The following USP45 variants were observed in gnomAD, a reference collection of about 807,000 sequenced individuals.
USP45 encodes the protein ubiquitin specific peptidase 45, also known as ubiquitin carboxyl-terminal hydrolase 45.
A neutral mutation model predicts 95.8 loss-of-function variants in USP45; 89 were observed. The observed-to-expected ratio is 0.93, with a 90% CI of 0.78 to 1.11. The LOEUF (loss-of-function observed/expected upper bound fraction) is 1.11, where lower values mean the gene tolerates loss of function less well. Among genes scored for constraint, USP45 ranks in the 50% least tolerant of loss-of-function variants. USP45 has a pLI of 0.00. For synonymous variants in USP45, 281 were observed against 316.2 expected (o/e 0.89, Z 1.18); for missense variants, 898 against 942.5 (o/e 0.95, Z 0.62).
rs747724029 is a variant in USP45 at position 99,445,861 on chromosome 6, A to G, written c.1911T>C (p.Asn637=). 13 of 1,609,172 alleles carry G rather than the reference A, an allele frequency of 8.1e-6. No homozygotes were observed. Among genetic ancestry groups the G allele is most frequent in the Non-Finnish European group, 1.1e-5 (13 of 1,178,872 alleles). ...TAGTACAATTCTCACATAGAAGCTT[A>G]TTATTCCCCATTAGTAATTCCATAG... The part of the protein sequence containing the change: ...FTSMELLMGN[N]KLLCENCTKN... Residue 637 remains asparagine, a synonymous_variant, in exon 14 of 18, where the codon AAT becomes AAC. Transcript: ENST00000500704.
intron 9 of USP45, 57 bp from the exon 10 acceptor site, chr6:99,468,675 T>A: frequency 8.4e-7 from 1 of 1,193,740 alleles, no homozygotes; most frequent in Non-Finnish European, 1.2e-6. Context: ...GGCCTCATCC[T>A]CCTAATAAAA....
rs760011376 is a variant in USP45 at position 99,468,522 on chromosome 6, A to G, written c.1015+15T>C. 3 of 1,539,396 alleles carry G rather than the reference A, an allele frequency of 1.9e-6. No individual in the cohort carries two copies. Among genetic ancestry groups the G allele is most frequent in the East Asian group, 2.3e-5 (1 of 43,918 alleles). On this transcript the variant is annotated intron_variant, in intron 10 of 17. Coordinates refer to ENST00000500704, the MANE Select transcript of USP45 (RefSeq NM_001346022.3). Reference sequence around the variant, plus strand: ...TTTTCTTAAAGAAAAAAGTTTTAACAAAGAGTCAACATACCTTTGACTTTT... The same window carrying G: ...TTTTCTTAAAGAAAAAAGTTTTAACGAAGAGTCAACATACCTTTGACTTTT...
intron 13 of USP45, chr6:99,462,783 G>C (rs1191884168): frequency 1.5e-6 from 1 of 665,134 alleles, no homozygotes; most frequent in African/African-American, 2.0e-5. Context: ...AGGAGTTTGA[G>C]ACCAGCCCAG....
intron 15 of USP45, among the ~76,000 whole-genome samples, chr6:99,442,796 G>A (rs1437202561): frequency 6.6e-6 from 1 of 152,184 alleles, no homozygotes; most frequent in Non-Finnish European, 1.5e-5. Flanking sequence ...GCAGGGAGCC[G>A]AGATTGTGCC....
chr6:99,486,618 G>A (rs1793942329), intron 7 of USP45, among the ~76,000 whole-genome samples: 2 of 48,034 alleles, frequency 4.2e-5, no homozygotes, highest in Admixed American at 4.2e-4. Flanking sequence ...ATATAAAAAG[G>A]AGGTTATTAT....
At position 99,446,379 on chromosome 6, in the gene USP45, T is replaced by C. The variant is rs765531370; in HGVS notation, c.1393A>G (p.Met465Val). Residue 465 changes from methionine to valine, a missense_variant, in exon 14 of 18, where the codon ATG (methionine) becomes GTG (valine). Coordinates refer to ENST00000500704, the MANE Select transcript of USP45 (RefSeq NM_001346022.3). ...GCAAACATTAAAGAATCCCCATTCA[T>C]TTCAAGGTTTTCATTTTTCTGGTAT... The part of the protein sequence containing the change: ...VTYQKNENLE[M>V]NGDSLMFASL... The C allele has an allele frequency of 6.2e-7, 1 of 1,614,214 alleles. No individual in the cohort carries two copies. The highest frequency in any genetic ancestry group is 8.5e-7 in the Non-Finnish European group (1 of 1,180,038).
intron 13 of USP45, chr6:99,462,454 A>G: frequency 1.0e-6 from 1 of 982,964 alleles, no homozygotes; most frequent in Non-Finnish European, 1.2e-6. Flanking sequence ...AAATCACTAC[A>G]CATTTATATT....
intron 5 of USP45, among the ~76,000 whole-genome samples, chr6:99,489,209 A>G (rs757697532): frequency 7.9e-5 from 12 of 152,226 alleles, no homozygotes; most frequent in African/African-American, 1.4e-4. Context: ...AAATGAACCC[A>G]TAACATTTTG....
intron 13 of USP45, chr6:99,461,007 G>A (rs1382371309): frequency 1.0e-5 from 10 of 985,186 alleles, no homozygotes; most frequent in African/African-American, 1.7e-5. Context: ...TTGGCAAAAC[G>A]CTGCGCAGCT....
chr6:99,469,779 GT>G (rs952095491), intron 9 of USP45, among the ~76,000 whole-genome samples: 1 of 151,626 alleles, frequency 6.6e-6, no homozygotes, highest in Non-Finnish European at 1.5e-5. Context: ...TGCCACACCT[GT>G]TTTTTGTTGT....
chr6:99,445,771 A>G (rs746448483), intron 14 of USP45, 26 bp downstream of exon 14: 3 of 1,472,748 alleles, frequency 2.0e-6, no homozygotes, highest in South Asian at 1.4e-5. Context: ...GGAGATCAAT[A>G]ATTATGTAAT....
chr6:99,469,485 TA>T (rs1156544013), intron 9 of USP45, among the ~76,000 whole-genome samples: 28 of 6,054 alleles, frequency 4.6e-3, no homozygotes, highest in Admixed American at 0.042. Flanking sequence ...TATATATATA[TA>T]TTTTTTTTTT....
intron 13 of USP45, among the ~76,000 whole-genome samples, chr6:99,455,242 GACC>G (rs34628443): frequency 0.15 from 22,246 of 151,958 alleles, 2,320 homozygotes; most frequent in Non-Finnish European, 0.21. Context: ...AGGAGTTTGA[GACC>G]ACCAGCCTGG....
At chr6:99,448,309 G>C (rs1004403070) in intron 13 of USP45, among the ~76,000 whole-genome samples, 5 of 152,068 alleles carry the variant, frequency 3.3e-5, no homozygotes, top group African/African-American at 1.2e-4. Context: ...ATTAGACAAA[G>C]GGCTGACTAG....
chr6:99,464,754 A>G lies in USP45; in HGVS notation c.1165-7T>C. ...AAAGTAAAGGTTTTGAAACCTATGT[A>G]AATGCCACATACAGAAACCAAAACC... On this transcript the variant is annotated splice_polypyrimidine_tract_variant and splice_region_variant and intron_variant, in intron 12 of 17. Coordinates refer to ENST00000500704, the MANE Select transcript of USP45 (RefSeq NM_001346022.3). 1.3e-6 allele frequency: 2 copies of G among 1,596,350 alleles called. No individual in the cohort carries two copies. Among genetic ancestry groups the G allele is most frequent in the Non-Finnish European group, 1.7e-6 (2 of 1,175,666 alleles).
At chr6:99,454,397 A>T (rs1784546489) in intron 13 of USP45, among the ~76,000 whole-genome samples, 2 of 152,218 alleles carry the variant, frequency 1.3e-5, no homozygotes, top group African/African-American at 4.8e-5. Context: ...ACATTAGTCT[A>T]GGTAATGATT....
chr6:99,487,686 T>C (rs1295338752), intron 7 of USP45, among the ~76,000 whole-genome samples: 1 of 144,630 alleles, frequency 6.9e-6, no homozygotes, highest in Non-Finnish European at 1.5e-5. Flanking sequence ...TCCCAGCTAC[T>C]CAGGAGGCTG....
chr6:99,502,496 G>A (rs1306486204), intron 5 of USP45, among the ~76,000 whole-genome samples: 1 of 152,196 alleles, frequency 6.6e-6, no homozygotes, highest in Non-Finnish European at 1.5e-5. Context: ...TGATGTGAGG[G>A]CAGTCCTGTG....
At chr6:99,439,219 A>T (rs1781060091) in intron 16 of USP45, among the ~76,000 whole-genome samples, 1 of 152,036 alleles carries the variant, frequency 6.6e-6, no homozygotes, top group African/African-American at 2.4e-5. Flanking sequence ...AAGGAAGACC[A>T]AGTCATCTAC....
Sources: gnomAD v4.1 joint callset for allele counts (sites outside exome capture counted in the v4.1 genomes callset) on GRCh38, gnomAD v4.1.1 for gene constraint, MANE v1.5 for transcripts, NCBI Gene and HGNC (gene_info 2026-07-23, HGNC 2026-07-21) for gene names.